ZNG1E: variants seen among roughly 807,000 people sequenced by gnomAD.
ZNG1E encodes the protein Zn regulated GTPase metalloprotein activator 1E.
At chr9:65,668,396 G>T in the ZNG1E span, among the ~76,000 whole-genome samples, 2 of 141,890 alleles carry the variant, frequency 1.4e-5, no homozygotes, top group Non-Finnish European at 3.0e-5. Flanking sequence ...GTTAGTGAAA[G>T]ATACTCCACG....
chr9:65,714,451 G>T, the ZNG1E span, among the ~76,000 whole-genome samples: 6 of 151,266 alleles, frequency 4.0e-5, no homozygotes, highest in African/African-American at 1.5e-4. Context: ...TGGAGGAGGA[G>T]AGGCGCTCTG....
chr9:65,684,550 GCACA>G, the ZNG1E span, among the ~76,000 whole-genome samples: 6 of 132,854 alleles, frequency 4.5e-5, no homozygotes, highest in East Asian at 2.4e-4. Context: ...ACACACGCAC[GCACA>G]CACACACACA....
the ZNG1E span, among the ~76,000 whole-genome samples, chr9:65,722,698 T>TTTTTG: frequency 1.5e-4 from 7 of 45,586 alleles, no homozygotes; most frequent in African/African-American, 4.1e-4. Context: ...GCCTAGCTAA[T>TTTTTG]TTTTTTTTTT....
At chr9:65,667,148 A>G in the ZNG1E span, among the ~76,000 whole-genome samples, 27 of 152,358 alleles carry the variant, frequency 1.8e-4, no homozygotes, top group Middle Eastern at 3.4e-3. Context: ...AGGGATATGA[A>G]TAGCTAAGCT....
chr9:65,722,697 A>ATTT, the ZNG1E span, among the ~76,000 whole-genome samples: 100 of 8,396 alleles, frequency 0.012, 35 homozygotes, highest in Middle Eastern at 1. Flanking sequence ...TGCCTAGCTA[A>ATTT]TTTTTTTTTT....
At chr9:65,676,524 A>T in the ZNG1E span, among the ~76,000 whole-genome samples, 2 of 147,718 alleles carry the variant, frequency 1.4e-5, no homozygotes, top group Admixed American at 1.4e-4. Flanking sequence ...TATTGCCATT[A>T]AAGGATGTCC....
At chr9:65,681,053 G>A in the ZNG1E span, among the ~76,000 whole-genome samples, 1 of 151,804 alleles carries the variant, frequency 6.6e-6, no homozygotes, top group Non-Finnish European at 1.5e-5. Flanking sequence ...CTCCCTATAA[G>A]TTTAATTTTT....
At chr9:65,708,160 C>G in the ZNG1E span, 1 of 146,120 alleles carries the variant, frequency 6.8e-6, no homozygotes, top group East Asian at 2.0e-4. Context: ...CCGTGCCCGG[C>G]CTGTCCTCTG....
chr9:65,671,551 C>A, the ZNG1E span, among the ~76,000 whole-genome samples: 1 of 152,282 alleles, frequency 6.6e-6, no homozygotes, highest in South Asian at 2.1e-4. Context: ...AGCTCCTGAC[C>A]TCAGGTGATC....
the ZNG1E span, among the ~76,000 whole-genome samples, chr9:65,663,829 T>C: frequency 3.0e-5 from 2 of 66,710 alleles, no homozygotes; most frequent in Non-Finnish European, 5.9e-5. Context: ...GGATGCAAAG[T>C]TTTTTTTAAG....
At chr9:65,702,411 T>C in the ZNG1E span, among the ~76,000 whole-genome samples, 21 of 150,416 alleles carry the variant, frequency 1.4e-4, no homozygotes, top group African/African-American at 5.2e-4. Flanking sequence ...AGAGGGAGAA[T>C]AGGCATAACG....
chr9:65,717,700 C>T, the ZNG1E span, among the ~76,000 whole-genome samples: 1 of 149,082 alleles, frequency 6.7e-6, no homozygotes, highest in African/African-American at 2.6e-5. Context: ...TTTTTTCTTC[C>T]CCTTGGAGAC....
chr9:65,662,265 G>T, the ZNG1E span, among the ~76,000 whole-genome samples: 4 of 152,178 alleles, frequency 2.6e-5, no homozygotes, highest in African/African-American at 4.8e-5. Context: ...AGAGTGTCAA[G>T]GTCCTGGAAG....
chr9:65,709,612 T>C, the ZNG1E span, among the ~76,000 whole-genome samples: 2 of 135,790 alleles, frequency 1.5e-5, no homozygotes, highest in Non-Finnish European at 3.1e-5. Context: ...GTTTGGTTTT[T>C]TGTTCTTGCG....
At chr9:65,675,667 C>T in the ZNG1E span, 5 of 547,070 alleles carry the variant, frequency 9.1e-6, no homozygotes, top group Non-Finnish European at 1.6e-5. Context: ...GCTCTAGGCG[C>T]CAGTGACACC....
chr9:65,659,008 G>A, the ZNG1E span, among the ~76,000 whole-genome samples: 3 of 152,196 alleles, frequency 2.0e-5, no homozygotes, highest in African/African-American at 7.2e-5. Flanking sequence ...GCTTCACTGA[G>A]TGAATTTTGG....
chr9:65,668,489 CTA>C, the ZNG1E span, among the ~76,000 whole-genome samples: 37 of 150,642 alleles, frequency 2.5e-4, no homozygotes, highest in South Asian at 7.2e-3. Flanking sequence ...TATATAAATA[CTA>C]TATATATATA....
the ZNG1E span, among the ~76,000 whole-genome samples, chr9:65,684,540 A>ACACATG: frequency 1.4e-5 from 2 of 141,716 alleles, no homozygotes; most frequent in African/African-American, 5.6e-5. Flanking sequence ...GTATACACAC[A>ACACATG]CACACGCACG....
the ZNG1E span, among the ~76,000 whole-genome samples, chr9:65,685,074 T>C: frequency 6.8e-6 from 1 of 148,032 alleles, no homozygotes; most frequent in Non-Finnish European, 1.5e-5. Context: ...AAAAAAGCTG[T>C]GTTTATACTA....
Sources: gnomAD v4.1 joint callset for allele counts (sites outside exome capture counted in the v4.1 genomes callset) on GRCh38, gnomAD v4.1.1 for gene constraint, MANE v1.5 for transcripts, NCBI Gene and HGNC (gene_info 2026-07-23, HGNC 2026-07-21) for gene names.